NT5C1A: variants seen among roughly 807,000 people sequenced by gnomAD.
The protein encoded by NT5C1A is 5'-nucleotidase, cytosolic IA.
NT5C1A carries 18 observed loss-of-function variants against 31.0 expected under a neutral mutation model. The ratio of observed to expected loss-of-function variants is 0.58; its 90% CI spans 0.40 to 0.86. NT5C1A has a LOEUF of 0.86. Ranked by LOEUF, NT5C1A falls within the 40% of genes least tolerant of loss-of-function variation. The pLI, the probability that NT5C1A is intolerant of heterozygous loss-of-function variation, is 0.00. For missense variants in NT5C1A, 470 were observed against 505.4 expected (o/e 0.93, Z 0.67); for synonymous variants, 185 against 203.6 (o/e 0.91, Z 0.78).
intron 1 of NT5C1A, among the ~76,000 whole-genome samples, chr1:39,671,373 C>T (rs1348651367): frequency 6.6e-6 from 1 of 152,214 alleles, no homozygotes; most frequent in Admixed American, 6.5e-5. Flanking sequence ...GTGTGGATCC[C>T]AGTGCCTGGA....
intron 4 of NT5C1A, among the ~76,000 whole-genome samples, chr1:39,662,735 T>C (rs1646498042): frequency 6.6e-6 from 1 of 152,196 alleles, no homozygotes; most frequent in East Asian, 1.9e-4. Context: ...ACGCACCTCG[T>C]TGGGAGGACT....
At chr1:39,664,492 T>TCTCCTCCCCTCCCCTCCCCTCC (rs1553485422) in intron 3 of NT5C1A, among the ~76,000 whole-genome samples, 1 of 602 alleles carries the variant, frequency 1.7e-3, no homozygotes. Context: ...GGATTTCTCC[T>TCTCCTCCCCTCCCCTCCCCTCC]CCTCTCCTCT....
Position 39,659,136 on chromosome 1 carries a change from G to A in NT5C1A, c.1092C>T (p.Ala364=), listed in dbSNP as rs1570455970. 1 of 1,604,670 alleles carries A rather than the reference G, an allele frequency of 6.2e-7. No homozygotes were observed. The highest frequency in any genetic ancestry group is 8.5e-7 in the Non-Finnish European group (1 of 1,174,152). The change falls in exon 6 of 6, where the codon GCC becomes GCT. Residue 364 remains alanine, a synonymous_variant. Coordinates refer to ENST00000235628, the MANE Select transcript of NT5C1A (RefSeq NM_032526.3). The part of the protein sequence containing the change: ...TPRRTAPAKQ[A]PSAQ ...GGTGGTTCAGCTACTGTGCAGATGGGGCCTGCTTTGCAGGTGCAGTCCGCC... is the reference window on the plus strand; with the variant it reads ...GGTGGTTCAGCTACTGTGCAGATGGAGCCTGCTTTGCAGGTGCAGTCCGCC...
rs1646439633 is a variant in NT5C1A, at chr1:39,652,959, A to G, written c.*6162T>C. ...GCCATGAGATGACCAGGGCATCTGT[A>G]TACAGTTGGCAGGTTGTGCAGGTGT... On this transcript the variant is annotated 3_prime_UTR_variant, in exon 6 of 6. Coordinates refer to ENST00000235628, the MANE Select transcript of NT5C1A (RefSeq NM_032526.3). 6.6e-6 allele frequency among the ~76,000 whole-genome samples: 1 copy of G among 152,108 alleles called. No individual in the cohort carries two copies. The highest frequency in any genetic ancestry group is 2.1e-4 in the South Asian group (1 of 4,822).
rs1646451773 is a variant in NT5C1A at position 39,654,851 on chromosome 1, G to A, written c.*4270C>T. 6.6e-6 allele frequency among the ~76,000 whole-genome samples: 1 copy of A among 152,194 alleles called. No individual in the cohort carries two copies. The highest frequency in any genetic ancestry group is 1.5e-5 in the Non-Finnish European group (1 of 68,050). ...ATATTTTTGGCTTGCAGCCTCTGTT[G>A]CAACAATTCAACTCTGCTGTTGCAG... On this transcript the variant is annotated 3_prime_UTR_variant, in exon 6 of 6. Transcript: ENST00000235628.
At chr1:39,663,475 C>T (rs772834081) in intron 3 of NT5C1A, 41 bp from the exon 4 acceptor site, 2 of 1,610,526 alleles carry the variant, frequency 1.2e-6, no homozygotes, top group East Asian at 2.2e-5. Context: ...CCAGGGTCAA[C>T]CCTGGGCTTC....
At chr1:39,670,428 T>G (rs1646544840) in intron 1 of NT5C1A, among the ~76,000 whole-genome samples, 1 of 152,262 alleles carries the variant, frequency 6.6e-6, no homozygotes, top group Non-Finnish European at 1.5e-5. Context: ...CAGCACAAGC[T>G]AGTGGCCTTC....
In NT5C1A at chr1:39,663,694, C is replaced by T. The variant is rs146378589; in HGVS notation, c.434-260G>A. ...ATCACAGTGCTACATGCCTGTGTGACCCCGCCTCCTGGCCATAGCTGCCAT... is the reference window on the plus strand; with the variant it reads ...ATCACAGTGCTACATGCCTGTGTGATCCCGCCTCCTGGCCATAGCTGCCAT... On this transcript the variant is annotated intron_variant, in intron 3 of 5. Coordinates refer to ENST00000235628, the MANE Select transcript of NT5C1A (RefSeq NM_032526.3). Among the ~76,000 whole-genome samples the T allele has an allele frequency of 6.7e-3, 498 of 74,454 alleles. 2 individuals carry two copies. The highest frequency in any genetic ancestry group is 0.039 in the African/African-American group (487 of 12,492). The allele number at this position is 74,454 out of a possible 152,430, so 48.8% of individuals were successfully genotyped here. A position where few individuals can be genotyped will look rare whatever the true frequency, so the allele number is the denominator to read the frequency against.
chr1:39,669,904 A>G (rs915015962), intron 1 of NT5C1A, among the ~76,000 whole-genome samples: 1 of 152,206 alleles, frequency 6.6e-6, no homozygotes, highest in Non-Finnish European at 1.5e-5. Flanking sequence ...GACCCAGTTA[A>G]TCCCCTGATG....
rs1553485419 is a variant in NT5C1A, at chr1:39,664,490, C to CCCTCTCCT, written c.433+1030_433+1031insAGGAGAGG. Among the ~76,000 whole-genome samples, 9 of 2,900 alleles carry CCCTCTCCT rather than the reference C, an allele frequency of 3.1e-3. 1 individual carries two copies. Among genetic ancestry groups the CCCTCTCCT allele is most frequent in the Non-Finnish European group, 5.5e-3 (9 of 1,640 alleles). 1.9% of individuals were successfully genotyped at this position (2,900 alleles called of 152,430 possible). A position where few individuals can be genotyped will look rare whatever the true frequency, so the allele number is the denominator to read the frequency against. Reference sequence around the variant, plus strand: ...CTCTCTCTCCCCAGAGTGGATTTCTCCTCCTCTCCTCTCCTCTCCTCTCCT... The same window carrying CCCTCTCCT: ...CTCTCTCTCCCCAGAGTGGATTTCTCCCTCTCCTCTCCTCTCCTCTCCTCTCCTCTCCT... On this transcript the variant is annotated intron_variant, in intron 3 of 5. Transcript: ENST00000235628.
At chr1:39,665,749 G>A in intron 2 of NT5C1A, 99 bp from the exon 3 acceptor site, 1 of 1,252,708 alleles carries the variant, frequency 8.0e-7, no homozygotes, top group Non-Finnish European at 1.1e-6. Context: ...AGCCATGCTT[G>A]GGATGAGATA....
Position 39,654,413 on chromosome 1 carries a change from C to T in NT5C1A, c.*4708G>A, listed in dbSNP as rs1180275. ...ACTGGGCACTTCAATCTATCCAAAA[C>T]TCATGTTTAGCTAATGCGCATCCAC... On this transcript the variant is annotated 3_prime_UTR_variant, in exon 6 of 6. Coordinates refer to ENST00000235628, the MANE Select transcript of NT5C1A (RefSeq NM_032526.3). 0.11 allele frequency among the ~76,000 whole-genome samples: 16,357 copies of T among 152,214 alleles called. 941 individuals carry two copies. Among genetic ancestry groups the T allele is most frequent in the Middle Eastern group, 0.18 (54 of 294 alleles).
chr1:39,665,740 G>A, intron 2 of NT5C1A, 90 bp from the exon 3 acceptor site: 2 of 1,343,654 alleles, frequency 1.5e-6, no homozygotes, highest in Non-Finnish European at 1.0e-6. Flanking sequence ...GAGGTGAGGA[G>A]CCATGCTTGG....
At position 39,653,498 on chromosome 1, in the gene NT5C1A, A is replaced by G. The variant is rs1346295337; in HGVS notation, c.*5623T>C. 2.0e-5 allele frequency among the ~76,000 whole-genome samples: 3 copies of G among 152,152 alleles called. No homozygotes were observed. Among genetic ancestry groups the G allele is most frequent in the African/African-American group, 7.2e-5 (3 of 41,438 alleles). The stretch of plus-strand genomic sequence containing the variant: ...AAACTTAATATGTGTGCATCCATAC[A>G]CACAATCACAGTAATTGCCGGCAAG... On this transcript the variant is annotated 3_prime_UTR_variant, in exon 6 of 6. Coordinates refer to ENST00000235628, the MANE Select transcript of NT5C1A (RefSeq NM_032526.3).
intron 3 of NT5C1A, among the ~76,000 whole-genome samples, chr1:39,664,492 T>TCCTCTCCTCTCCTCCCTCC (rs1553485423): frequency 1.7e-3 from 1 of 606 alleles, no homozygotes; most frequent in Non-Finnish European, 3.3e-3. Context: ...GGATTTCTCC[T>TCCTCTCCTCTCCTCCCTCC]CCTCTCCTCT....
intron 1 of NT5C1A, 39 bp downstream of exon 1, chr1:39,671,865 C>A (rs1646553978): frequency 1.2e-6 from 2 of 1,610,180 alleles, no homozygotes; most frequent in Non-Finnish European, 1.7e-6. Context: ...CCGGGGTAAC[C>A]CTTCCCCCGT....
rs1387664932 is a variant in NT5C1A at position 39,654,997 on chromosome 1, A to G, written c.*4124T>C. On this transcript the variant is annotated 3_prime_UTR_variant, in exon 6 of 6. Transcript: ENST00000235628. ...TCACCCTGATGCCAGGCTGGAGTGC[A>G]GTGGCGTGATCTCGGTTCACTGCAA... Among the ~76,000 whole-genome samples the G allele has an allele frequency of 6.6e-6, 1 of 151,842 alleles. No homozygotes were observed. Among genetic ancestry groups the G allele is most frequent in the Admixed American group, 6.6e-5 (1 of 15,260 alleles).
At chr1:39,665,696 T>C in intron 2 of NT5C1A, 46 bp from the exon 3 acceptor site, 1 of 1,589,388 alleles carries the variant, frequency 6.3e-7, no homozygotes, top group Non-Finnish European at 8.6e-7. Context: ...CAAGGATTGA[T>C]ACCTGAAGTT....
At chr1:39,670,895 A>G (rs1007179921) in intron 1 of NT5C1A, among the ~76,000 whole-genome samples, 1 of 151,862 alleles carries the variant, frequency 6.6e-6, no homozygotes, top group African/African-American at 2.4e-5. Flanking sequence ...CTAGGCTCTC[A>G]TCTCTGGAGC....
Sources: gnomAD v4.1 joint callset for allele counts (sites outside exome capture counted in the v4.1 genomes callset) on GRCh38, gnomAD v4.1.1 for gene constraint, MANE v1.5 for transcripts, NCBI Gene and HGNC (gene_info 2026-07-23, HGNC 2026-07-21) for gene names.